Variants in GRIA4 observed in about 807,000 individuals in gnomAD.
The protein encoded by GRIA4 is glutamate receptor 4.
Under a neutral mutation model 104.0 loss-of-function variants are expected in GRIA4, and 34 were observed. That is an observed-to-expected ratio of 0.33 (90% CI 0.25 to 0.44). The LOEUF is 0.44. GRIA4 is among the 20% of genes least tolerant of loss of function. The pLI is 1.00. For synonymous variants in GRIA4, 386 were observed against 381.9 expected, an observed-to-expected ratio of 1.01 and a Z score of -0.13; for missense variants, 750 against 1,096.5, an observed-to-expected ratio of 0.68 and a Z score of 4.46.
At chr11:105,749,409 G>T (rs1357816856) in intron 3 of GRIA4, among the ~76,000 whole-genome samples, 1 of 152,178 alleles carries the variant, frequency 6.6e-6, no homozygotes, top group Non-Finnish European at 1.5e-5. Context: ...TTTAAAAGCA[G>T]TTAGAGGAAC....
At chr11:105,831,487 C>T (rs1185262162) in intron 4 of GRIA4, among the ~76,000 whole-genome samples, 1 of 151,920 alleles carries the variant, frequency 6.6e-6, no homozygotes, top group Non-Finnish European at 1.5e-5. Flanking sequence ...TTGGAGATGC[C>T]TTACTAAATA....
At chr11:105,932,830 A>G (rs1479731716) in intron 13 of GRIA4, among the ~76,000 whole-genome samples, 1 of 152,152 alleles carries the variant, frequency 6.6e-6, no homozygotes, top group Non-Finnish European at 1.5e-5. Context: ...TGTAAGCTAT[A>G]CCAGGTTTTG....
In GRIA4 at chr11:105,812,065, A is replaced by C. The variant is rs1175783592; in HGVS notation, c.488-49959A>C. On this transcript the variant is annotated intron_variant, in intron 4 of 16. Coordinates refer to ENST00000282499, the MANE Select transcript of GRIA4 (RefSeq NM_000829.4). ...CCTGGAAGGCTGGGAGAGTGCGAGC[A>C]GGAGAAAAGAAAACAGACAAAGCAA... 2.0e-5 allele frequency among the ~76,000 whole-genome samples: 3 copies of C among 152,264 alleles called. No homozygotes were observed. In the South Asian group the frequency reaches 6.2e-4, roughly 31 times the overall value.
At chr11:105,686,256 A>C (rs78899513) in intron 3 of GRIA4, among the ~76,000 whole-genome samples, 1 of 152,078 alleles carries the variant, frequency 6.6e-6, no homozygotes, top group African/African-American at 2.4e-5. Flanking sequence ...CTCAGTGTTT[A>C]CTGTTGCCAT....
chr11:105,843,146 A>G (rs972327133), intron 4 of GRIA4, among the ~76,000 whole-genome samples: 3 of 152,146 alleles, frequency 2.0e-5, no homozygotes, highest in African/African-American at 7.2e-5. Context: ...CGCTCTTCCA[A>G]GCGCTCTGCC....
chr11:105,721,105 G>A (rs1937781533), intron 3 of GRIA4, among the ~76,000 whole-genome samples: 1 of 152,056 alleles, frequency 6.6e-6, no homozygotes, highest in Non-Finnish European at 1.5e-5. Flanking sequence ...TTTTCATCTA[G>A]CTGGTCACAC....
intron 4 of GRIA4, among the ~76,000 whole-genome samples, chr11:105,834,538 C>T (rs758938036): frequency 6.6e-6 from 1 of 151,978 alleles, no homozygotes; most frequent in Non-Finnish European, 1.5e-5. Flanking sequence ...GAGAACCATG[C>T]TAGCATTCTC....
chr11:105,739,832 T>C (rs1939197019), intron 3 of GRIA4, among the ~76,000 whole-genome samples: 1 of 152,114 alleles, frequency 6.6e-6, no homozygotes, highest in Admixed American at 6.6e-5. Flanking sequence ...AGAGGGCTAA[T>C]AAGATTTATT....
At chr11:105,693,142 A>T (rs1340121874) in intron 3 of GRIA4, among the ~76,000 whole-genome samples, 1 of 152,182 alleles carries the variant, frequency 6.6e-6, no homozygotes, top group Non-Finnish European at 1.5e-5. Flanking sequence ...AACAAAGGGG[A>T]AGGGTCAAAT....
intron 3 of GRIA4, among the ~76,000 whole-genome samples, chr11:105,711,391 G>C (rs945878165): frequency 6.6e-6 from 1 of 151,730 alleles, no homozygotes; most frequent in South Asian, 2.1e-4. Flanking sequence ...AAACCTGCAC[G>C]CTGTGCACAT....
intron 3 of GRIA4, among the ~76,000 whole-genome samples, chr11:105,716,021 A>C (rs1469301225): frequency 6.6e-6 from 1 of 152,212 alleles, no homozygotes. Flanking sequence ...CTCTGTTACA[A>C]ACATTAAAAA....
chr11:105,973,188 G>A (rs1351439983), intron 15 of GRIA4, among the ~76,000 whole-genome samples: 1 of 152,140 alleles, frequency 6.6e-6, no homozygotes, highest in Non-Finnish European at 1.5e-5. Context: ...TGACTAAGGT[G>A]ACAGTGTATA....
chr11:105,911,567 T>C (rs951137606), intron 10 of GRIA4, among the ~76,000 whole-genome samples: 2 of 151,364 alleles, frequency 1.3e-5, no homozygotes, highest in East Asian at 1.9e-4. Flanking sequence ...CCAAAAGTGA[T>C]ATTAAGGTTA....
intron 3 of GRIA4, among the ~76,000 whole-genome samples, chr11:105,688,458 G>A (rs1240884167): frequency 2.0e-5 from 3 of 152,104 alleles, no homozygotes; most frequent in Admixed American, 2.0e-4. Flanking sequence ...CTACTGGGGA[G>A]GCTGAGGCAG....
At chr11:105,888,218 A>T (rs547260174) in intron 6 of GRIA4, among the ~76,000 whole-genome samples, 1 of 146,912 alleles carries the variant, frequency 6.8e-6, no homozygotes, top group East Asian at 2.0e-4. Context: ...CATTTGCCCT[A>T]AGGGCCTGAT....
chr11:105,615,626 T>A (rs1950581029), intron 3 of GRIA4, among the ~76,000 whole-genome samples: 1 of 151,752 alleles, frequency 6.6e-6, no homozygotes, highest in African/African-American at 2.4e-5. Context: ...ATTTAAAAAA[T>A]AAATTTAATA....
At position 105,668,853 on chromosome 11, in the gene GRIA4, C is replaced by T. The variant is rs117614060; in HGVS notation, c.247+56419C>T. Among the ~76,000 whole-genome samples the T allele has an allele frequency of 2.6e-3, 397 of 151,284 alleles. 6 individuals are homozygous for T. Among genetic ancestry groups the T allele is most frequent in the Middle Eastern group, 0.024 (7 of 294 alleles). The stretch of plus-strand genomic sequence containing the variant: ...CATCATTTTATCTTTTTTTGGCTAC[C>T]CATTTAGTTTAAAAGGTATTTAGAC... On this transcript the variant is annotated intron_variant, in intron 3 of 16. Transcript: ENST00000282499.
At chr11:105,868,667 G>T (rs1945513051) in intron 5 of GRIA4, among the ~76,000 whole-genome samples, 1 of 152,048 alleles carries the variant, frequency 6.6e-6, no homozygotes, top group African/African-American at 2.4e-5. Flanking sequence ...TTGTTGTACA[G>T]GCTGAAAAAA....
intron 14 of GRIA4, among the ~76,000 whole-genome samples, chr11:105,939,300 C>G (rs968770012): frequency 2.6e-5 from 4 of 152,166 alleles, no homozygotes; most frequent in Non-Finnish European, 4.4e-5. Flanking sequence ...GCTCTCCTTA[C>G]CACTACACTT....
Sources: gnomAD v4.1 joint callset for allele counts (sites outside exome capture counted in the v4.1 genomes callset) on GRCh38, gnomAD v4.1.1 for gene constraint, MANE v1.5 for transcripts, NCBI Gene and HGNC (gene_info 2026-07-23, HGNC 2026-07-21) for gene names.